The following KNDC1 variants were observed in gnomAD, a reference collection of about 807,000 sequenced individuals.
KNDC1 encodes the protein kinase non-catalytic C-lobe domain containing 1, also known as kinase non-catalytic C-lobe domain-containing protein 1.
KNDC1 carries 106 observed loss-of-function variants against 172.8 expected under a neutral mutation model. The observed-to-expected ratio is 0.61, with a 90% CI of 0.52 to 0.72. The LOEUF (loss-of-function observed/expected upper bound fraction) is 0.72. KNDC1 is among the 30% of genes least tolerant of loss of function. The pLI is 0.00. For synonymous variants in KNDC1, 1,083 were observed against 1,062.2 expected, an observed-to-expected ratio of 1.02 and a Z score of -0.38; for missense variants, 2,325 against 2,394.5, an observed-to-expected ratio of 0.97 and a Z score of 0.61.
chr10:133,186,174 G>A lies in KNDC1; in HGVS notation c.826G>A (p.Glu276Lys). 3 of 1,579,518 alleles carry A rather than the reference G, an allele frequency of 1.9e-6. No homozygotes were observed. Among genetic ancestry groups the A allele is most frequent in the Non-Finnish European group, 2.6e-6 (3 of 1,162,466 alleles). The change falls in exon 6 of 30, where the codon GAG (glutamate) becomes AAG (lysine). Residue 276 changes from glutamate (E) to lysine (K), a missense_variant. Coordinates refer to ENST00000304613, the MANE Select transcript of KNDC1 (RefSeq NM_152643.8). Reference sequence around the variant, plus strand: ...GAGAAATGGCGAGAGCCACAGCCGGGAGGGGCTGGCCGGCCTCGTCCTGGA... The same window carrying A: ...GAGAAATGGCGAGAGCCACAGCCGGAAGGGGCTGGCCGGCCTCGTCCTGGA... ...PVRNGESHSR[E>K]GLAGLVLDAE...
At chr10:133,168,094 G>A (rs1453480240) in intron 2 of KNDC1, among the ~76,000 whole-genome samples, 160 bp from the exon 3 acceptor site, 2 of 152,200 alleles carry the variant, frequency 1.3e-5, no homozygotes, top group Non-Finnish European at 2.9e-5. Context: ...AACCGTTAAG[G>A]AGCTGATTTC....
chr10:133,167,460 A>G lies in KNDC1; in HGVS notation c.182A>G (p.Glu61Gly). The change falls in exon 2 of 30, where the codon GAG becomes GGG. Residue 61 changes from glutamate (E) to glycine (G), a missense_variant. Transcript: ENST00000304613. Reference protein sequence around the residue: ...SEQEAWAVCLECSLSMRSVAH... With the variant: ...SEQEAWAVCLGCSLSMRSVAH... ...CAGGAAGCCTGGGCCGTGTGCCTGG[A>G]GTGCAGCCTGTCCATGCGGAGCGTG... is the stretch of plus-strand genomic sequence containing the variant. 6.2e-7 allele frequency: 1 copy of G among 1,606,508 alleles called. No individual in the cohort carries two copies. Among genetic ancestry groups the G allele is most frequent in the Non-Finnish European group, 8.5e-7 (1 of 1,177,594 alleles).
intron 16 of KNDC1, 74 bp from the exon 17 acceptor site, chr10:133,201,427 C>T (rs1213544745): frequency 2.0e-6 from 3 of 1,465,390 alleles, no homozygotes; most frequent in Non-Finnish European, 2.8e-6. Flanking sequence ...CACCACCGGC[C>T]TCCCATTAAC....
At chr10:133,197,992 C>T (rs1314526478) in intron 12 of KNDC1, among the ~76,000 whole-genome samples, 1 of 152,166 alleles carries the variant, frequency 6.6e-6, no homozygotes, top group African/African-American at 2.4e-5. Context: ...GTTCTCACTC[C>T]CATCTCCCAG....
chr10:133,212,255 GCACACACGTGCACC>G (rs1305461773), intron 23 of KNDC1, among the ~76,000 whole-genome samples: 4 of 150,442 alleles, frequency 2.7e-5, no homozygotes, highest in Non-Finnish European at 5.9e-5. Flanking sequence ...ATCCACACAT[GCACACACGTGCACC>G]CGCACACGCA....
chr10:133,168,169 C>A (rs1318589602), intron 2 of KNDC1, 85 bp from the exon 3 acceptor site: 2 of 1,253,916 alleles, frequency 1.6e-6, no homozygotes, highest in Non-Finnish European at 1.2e-6. Flanking sequence ...TGGGGCCGCT[C>A]CCTCTCCAGG....
intron 9 of KNDC1, among the ~76,000 whole-genome samples, chr10:133,191,587 C>G (rs1468007357): frequency 3.3e-5 from 5 of 152,112 alleles, no homozygotes; most frequent in African/African-American, 1.2e-4. Context: ...ATAATCCCAG[C>G]TACTTGGGAG....
intron 9 of KNDC1, among the ~76,000 whole-genome samples, chr10:133,190,142 T>C (rs1343148162): frequency 6.6e-6 from 1 of 152,162 alleles, no homozygotes; most frequent in Non-Finnish European, 1.5e-5. Flanking sequence ...TTAAATACAA[T>C]TCAATAAATT....
chr10:133,186,108 C>T lies in KNDC1; in HGVS notation c.760C>T (p.Pro254Ser). ...EGPESETSRG[P>S]RASPTKALLS... ...CCCGGAGTCTGAGACGAGCCGGGGC[C>T]CCAGAGCCTCCCCAACCAAGGCTCT... is the stretch of plus-strand genomic sequence containing the variant. Residue 254 changes from proline to serine, a missense_variant, in exon 6 of 30, where the codon CCC (proline) becomes TCC (serine). By Grantham distance (74) the Pro-to-Ser change is moderately conservative. Transcript: ENST00000304613. The T allele has an allele frequency of 6.3e-7, 1 of 1,597,540 alleles. No homozygotes were observed. The highest frequency in any genetic ancestry group is 1.7e-5 in the Admixed American group (1 of 58,098).
Position 133,169,288 on chromosome 10 carries a change from C to T in KNDC1, c.360+976C>T, listed in dbSNP as rs184712119. Among the ~76,000 whole-genome samples, 55 of 152,206 alleles carry T rather than the reference C, an allele frequency of 3.6e-4. No individual in the cohort carries two copies. The East Asian group carries it at 6.8e-3, about 19-fold the overall frequency. ...CCAGCCTGGCCAACATGGCGAACCC[C>T]GTCTCTACTAAAAATACAAAAGTTA... On this transcript the variant is annotated intron_variant, in intron 3 of 29. Coordinates refer to ENST00000304613, the MANE Select transcript of KNDC1 (RefSeq NM_152643.8).
chr10:133,216,498 G>A (rs1014813022), intron 26 of KNDC1, among the ~76,000 whole-genome samples: 19 of 151,958 alleles, frequency 1.3e-4, no homozygotes, highest in African/African-American at 3.9e-4. Flanking sequence ...ACAACATATC[G>A]AAACCCCGTC....
rs759572820 is a variant in KNDC1, at chr10:133,199,198, C to T, written c.2690C>T (p.Thr897Met). ...RTACPSLQEA[T>M]RLIQEEFAFD... is the part of the protein sequence containing the mutation. ...GCCTGCCCGTCGCTGCAGGAGGCCACGCGCCTCATCCAGGAGGAATTTGCC... is the reference window on the plus strand; with the variant it reads ...GCCTGCCCGTCGCTGCAGGAGGCCATGCGCCTCATCCAGGAGGAATTTGCC... The change falls in exon 14 of 30, where the codon ACG (threonine) becomes ATG (methionine). Residue 897 changes from threonine (T) to methionine (M), a missense_variant. Physicochemically the swap from Thr to Met is moderately conservative, Grantham distance 81. Coordinates refer to ENST00000304613, the MANE Select transcript of KNDC1 (RefSeq NM_152643.8). 1.4e-5 allele frequency: 22 copies of T among 1,583,504 alleles called. No individual in the cohort carries two copies. Among genetic ancestry groups the T allele is most frequent in the East Asian group, 2.3e-5 (1 of 43,262 alleles).
chr10:133,203,507 G>A (rs943824375), intron 17 of KNDC1, among the ~76,000 whole-genome samples: 10 of 152,384 alleles, frequency 6.6e-5, no homozygotes, highest in African/African-American at 2.4e-4. Context: ...ACGGTGCAGC[G>A]AGGGCCGTTC....
intron 29 of KNDC1, among the ~76,000 whole-genome samples, chr10:133,222,151 CG>C (rs1845608297): frequency 6.7e-6 from 1 of 149,836 alleles, no homozygotes; most frequent in South Asian, 2.2e-4. Context: ...GGCGCGGTGG[CG>C]GGCGCCTGTA....
rs765238836 is a variant in KNDC1 at position 133,167,546 on chromosome 10, A to G, written c.268A>G (p.Ser90Gly). Residue 90 changes from serine to glycine, a missense_variant, in exon 2 of 30, where the codon AGC (serine) becomes GGC (glycine). Ser to Gly is a moderately conservative substitution (Grantham distance 56). Coordinates refer to ENST00000304613, the MANE Select transcript of KNDC1 (RefSeq NM_152643.8). ...ITPDTLAFNTSGNVCFMEQLS... is the reference protein window; with the variant it reads ...ITPDTLAFNTGGNVCFMEQLS... ...GCCCGACACCCTGGCCTTCAACACC[A>G]GCGGGAACGTGTGTTTCATGGAGCA... 1.3e-5 allele frequency: 21 copies of G among 1,601,988 alleles called. No homozygotes were observed. The highest frequency in any genetic ancestry group is 4.5e-5 in the South Asian group (4 of 89,014).
At chr10:133,219,930 G>A in intron 28 of KNDC1, 25 bp from the exon 29 acceptor site, 3 of 1,543,900 alleles carry the variant, frequency 1.9e-6, no homozygotes, top group Non-Finnish European at 2.6e-6. Context: ...TCTCTCCCCG[G>A]CCCACGCCCC....
Position 133,186,098 on chromosome 10 carries a change from G to C in KNDC1, c.750G>C (p.Thr250=), listed in dbSNP as rs3008393. The change falls in exon 6 of 30, where the codon ACG becomes ACC. Residue 250 remains threonine, a synonymous_variant. Coordinates refer to ENST00000304613, the MANE Select transcript of KNDC1 (RefSeq NM_152643.8). ...CCCCCGAAGGCCCGGAGTCTGAGAC[G>C]AGCCGGGGCCCCAGAGCCTCCCCAA... ...LPTPEGPESE[T]SRGPRASPTK... 0.86 allele frequency: 1,377,681 copies of C among 1,597,512 alleles called. 595,499 individuals carry two copies. The highest frequency in any genetic ancestry group is 0.88 in the Non-Finnish European group (1,032,417 of 1,173,264).
intron 3 of KNDC1, among the ~76,000 whole-genome samples, chr10:133,182,922 C>T (rs1405050879): frequency 2.1e-5 from 3 of 140,528 alleles, no homozygotes; most frequent in East Asian, 2.1e-4. Context: ...AATGTGGGCA[C>T]GGACGGTGTG....
intron 28 of KNDC1, 112 bp from the exon 29 acceptor site, chr10:133,219,843 G>A (rs1845545334): frequency 9.4e-7 from 1 of 1,066,418 alleles, no homozygotes; most frequent in Non-Finnish European, 1.3e-6. Flanking sequence ...GACCCCGTGC[G>A]TGGAGAACGC....
Sources: gnomAD v4.1 joint callset for allele counts (sites outside exome capture counted in the v4.1 genomes callset) on GRCh38, gnomAD v4.1.1 for gene constraint, MANE v1.5 for transcripts, NCBI Gene and HGNC (gene_info 2026-07-23, HGNC 2026-07-21) for gene names.